Variants in ULK4 observed in about 807,000 individuals in gnomAD.
ULK4 encodes the protein unc-51 like kinase 4, also known as inactive serine/threonine-protein kinase ULK4.
Under a neutral mutation model 160.6 loss-of-function variants are expected in ULK4, and 133 were observed. The ratio of observed to expected loss-of-function variants is 0.83; its 90% CI spans 0.72 to 0.96. The LOEUF is 0.96. Ranked by LOEUF, ULK4 falls within the 40% of genes least tolerant of loss-of-function variation. The pLI, the probability that ULK4 is intolerant of heterozygous loss-of-function variation, is 0.00. For synonymous variants in ULK4, 534 were observed against 539.8 expected, an observed-to-expected ratio of 0.99 and a Z score of 0.15; for missense variants, 1,580 against 1,499.5, an observed-to-expected ratio of 1.05 and a Z score of -0.89.
Position 41,467,480 on chromosome 3 carries a change from T to C in ULK4, c.3227-4227A>G, listed in dbSNP as rs1302736458. ...AGGCAGAAGTTGTAGTGAGCTGAGA[T>C]TGTGCCACTGCACTCCTGCCTGGGT... is the stretch of plus-strand genomic sequence containing the variant. On this transcript the variant is annotated intron_variant, in intron 32 of 36. Coordinates refer to ENST00000301831, the MANE Select transcript of ULK4 (RefSeq NM_017886.4). 2.6e-5 allele frequency among the ~76,000 whole-genome samples: 4 copies of C among 152,298 alleles called. No homozygotes were observed. In the East Asian group the frequency reaches 5.8e-4, roughly 22 times the overall value.
In ULK4 at chr3:41,305,254, C is replaced by T. The variant is rs182288100; in HGVS notation, c.3679-55680G>A. ...CTCCCCACGGTCTCCCTCTCCCTCT[C>T]TTTCCACAGTCTCCCTCTCATGCTG... On this transcript the variant is annotated intron_variant, in intron 35 of 36. Transcript: ENST00000301831. Among the ~76,000 whole-genome samples, 1,152 of 150,670 alleles carry T rather than the reference C, an allele frequency of 7.6e-3. 8 individuals are homozygous for T. Among genetic ancestry groups the T allele is most frequent in the Non-Finnish European group, 0.012 (788 of 67,242 alleles).
At chr3:41,430,488 T>C (rs1388124192) in intron 34 of ULK4, among the ~76,000 whole-genome samples, 4 of 152,142 alleles carry the variant, frequency 2.6e-5, no homozygotes, top group Non-Finnish European at 5.9e-5. Flanking sequence ...CACAGGAGAC[T>C]CAATCACTGG....
intron 31 of ULK4, among the ~76,000 whole-genome samples, chr3:41,583,488 T>G (rs1354524135): frequency 6.6e-6 from 1 of 152,224 alleles, no homozygotes; most frequent in Admixed American, 6.5e-5. Context: ...TATATTTATA[T>G]TTGTAAGGAA....
At chr3:41,548,350 T>C (rs1174603925) in intron 32 of ULK4, among the ~76,000 whole-genome samples, 3 of 152,094 alleles carry the variant, frequency 2.0e-5, no homozygotes, top group South Asian at 2.1e-4. Context: ...CCAGTGCCCG[T>C]ACATTCTGCT....
rs185511096 is a variant in ULK4 at position 41,643,425 on chromosome 3, C to T, written c.3071+20182G>A. 8.4e-4 allele frequency among the ~76,000 whole-genome samples: 128 copies of T among 152,290 alleles called. 1 individual carries two copies. Among genetic ancestry groups the T allele is most frequent in the African/African-American group, 3.0e-3 (123 of 41,560 alleles). ...TTCTACATATGGCTAGCCAGTTTTCCCAGCACCATTTATTAAATAGGAAAT... is the reference window on the plus strand; with the variant it reads ...TTCTACATATGGCTAGCCAGTTTTCTCAGCACCATTTATTAAATAGGAAAT... On this transcript the variant is annotated intron_variant, in intron 30 of 36. Coordinates refer to ENST00000301831, the MANE Select transcript of ULK4 (RefSeq NM_017886.4).
intron 22 of ULK4, among the ~76,000 whole-genome samples, chr3:41,734,210 C>T (rs1449338455): frequency 6.6e-6 from 1 of 151,926 alleles, no homozygotes; most frequent in Non-Finnish European, 1.5e-5. Context: ...AGCAGGGGAC[C>T]ATCTTTTTGG....
intron 32 of ULK4, among the ~76,000 whole-genome samples, chr3:41,477,354 G>T (rs2084174023): frequency 6.6e-6 from 1 of 152,118 alleles, no homozygotes; most frequent in South Asian, 2.1e-4. Flanking sequence ...AATATACTTT[G>T]AATTTCCAAG....
chr3:41,907,301 A>T (rs1034928197), intron 12 of ULK4, among the ~76,000 whole-genome samples: 32 of 147,924 alleles, frequency 2.2e-4, no homozygotes, highest in African/African-American at 7.2e-4. Context: ...CCTTTTATTT[A>T]TTTTTTTTTT....
chr3:41,418,839 G>A (rs989134734), intron 34 of ULK4, among the ~76,000 whole-genome samples: 7 of 152,186 alleles, frequency 4.6e-5, no homozygotes, highest in African/African-American at 1.7e-4. Flanking sequence ...CCTCCCTCCT[G>A]GAGCTCTCAC....
chr3:41,681,822 A>AAAGACTCAGAATCTCTATGAACAAAT lies in ULK4; in HGVS notation c.2782-19_2782-18insATTTGTTCATAGAGATTCTGAGTCTT. 6.2e-7 allele frequency: 1 copy of AAAGACTCAGAATCTCTATGAACAAAT among 1,613,694 alleles called. No individual in the cohort carries two copies. The highest frequency in any genetic ancestry group is 8.5e-7 in the Non-Finnish European group (1 of 1,179,744). ...TCAACAACCTAAAAGAAAGCATGTA[A>AAAGACTCAGAATCTCTATGAACAAAT]AAGACTCAGAATCTCTATGAACACA... On this transcript the variant is annotated intron_variant, in intron 27 of 36. Transcript: ENST00000301831.
At chr3:41,769,403 C>T (rs1665232280) in intron 21 of ULK4, among the ~76,000 whole-genome samples, 1 of 152,168 alleles carries the variant, frequency 6.6e-6, no homozygotes, top group Non-Finnish European at 1.5e-5. Context: ...ATAATCAAAA[C>T]TGACTTTAGA....
At chr3:41,646,106 T>G (rs1277268772) in intron 30 of ULK4, among the ~76,000 whole-genome samples, 1 of 152,236 alleles carries the variant, frequency 6.6e-6, no homozygotes, top group Non-Finnish European at 1.5e-5. Context: ...GAGATGGGTC[T>G]CCTGAATACA....
At chr3:41,559,097 A>G (rs1040798650) in intron 32 of ULK4, among the ~76,000 whole-genome samples, 44 of 150,140 alleles carry the variant, frequency 2.9e-4, no homozygotes, top group African/African-American at 1.1e-3. Flanking sequence ...TCATTGTTCA[A>G]TTCCCACCTA....
intron 35 of ULK4, among the ~76,000 whole-genome samples, chr3:41,305,675 C>T (rs1336636873): frequency 7.4e-4 from 111 of 150,154 alleles, no homozygotes; most frequent in African/African-American, 2.7e-3. Flanking sequence ...CTCTGCCTGG[C>T]CGCCCATCGT....
intron 18 of ULK4, among the ~76,000 whole-genome samples, chr3:41,829,469 C>A (rs1336571854): frequency 6.6e-6 from 1 of 151,756 alleles, no homozygotes; most frequent in Non-Finnish European, 1.5e-5. Context: ...ACAACCCCAT[C>A]AACAAGTGGG....
In ULK4 at chr3:41,506,767, A is replaced by AAAAAAAAAAAAAAAAAAATATATATATAT; in HGVS notation, c.3227-43515_3227-43514insATATATATATATTTTTTTTTTTTTTTTTT. 5.3e-5 allele frequency among the ~76,000 whole-genome samples: 3 copies of AAAAAAAAAAAAAAAAAAATATATATATAT among 56,766 alleles called. 1 individual carries two copies. Among genetic ancestry groups the AAAAAAAAAAAAAAAAAAATATATATATAT allele is most frequent in the African/African-American group, 8.2e-5 (1 of 12,210 alleles). 37.2% of individuals were successfully genotyped at this position (56,766 alleles called of 152,430 possible). On this transcript the variant is annotated intron_variant, in intron 32 of 36. Transcript: ENST00000301831. Reference sequence around the variant, plus strand: ...AGCAATACACTGGAGTGTGATTTAAAATATATATATATATATATATATATA... The same window carrying AAAAAAAAAAAAAAAAAAATATATATATAT: ...AGCAATACACTGGAGTGTGATTTAAAAAAAAAAAAAAAAAAAAATATATATATATATATATATATATATATATATATATA...
At chr3:41,451,252 C>CTT (rs1262530097) in intron 34 of ULK4, among the ~76,000 whole-genome samples, 2 of 151,808 alleles carry the variant, frequency 1.3e-5, no homozygotes, top group African/African-American at 4.8e-5. Flanking sequence ...AAGAGGGGGC[C>CTT]TTTGGGAGGG....
chr3:41,520,657 C>G (rs1024925071), intron 32 of ULK4, among the ~76,000 whole-genome samples: 1 of 152,098 alleles, frequency 6.6e-6, no homozygotes, highest in East Asian at 1.9e-4. Flanking sequence ...AGCGGCTGAA[C>G]CATTTTACAT....
chr3:41,708,454 T>C (rs1473833686), intron 25 of ULK4, among the ~76,000 whole-genome samples: 1 of 152,138 alleles, frequency 6.6e-6, no homozygotes, highest in Non-Finnish European at 1.5e-5. Context: ...TGGTCTCACT[T>C]ACAGGTGGGA....
Sources: gnomAD v4.1 joint callset for allele counts (sites outside exome capture counted in the v4.1 genomes callset) on GRCh38, gnomAD v4.1.1 for gene constraint, MANE v1.5 for transcripts, NCBI Gene and HGNC (gene_info 2026-07-23, HGNC 2026-07-21) for gene names.